Variants in ITGA8 observed in about 807,000 individuals in gnomAD.
The protein encoded by ITGA8 is integrin alpha-8.
A neutral mutation model predicts 142.3 loss-of-function variants in ITGA8; 91 were observed. The ratio of observed to expected loss-of-function variants is 0.64; its 90% CI spans 0.54 to 0.76. The LOEUF is 0.76. Among genes scored for constraint, ITGA8 ranks in the 30% least tolerant of loss-of-function variants. The pLI, the probability that ITGA8 is intolerant of heterozygous loss-of-function variation, is 0.00. For synonymous variants in ITGA8, 505 were observed against 485.2 expected (o/e 1.04, Z -0.54); for missense variants, 1,406 against 1,327.7 (o/e 1.06, Z -0.92).
chr10:15,569,344 G>T (rs74124272), intron 25 of ITGA8, among the ~76,000 whole-genome samples: 18,942 of 152,082 alleles, frequency 0.12, 2,027 homozygotes, highest in East Asian at 0.31. Flanking sequence ...GGTGAAGAAT[G>T]TGTAGACATG....
chr10:15,529,116 G>A (rs1417942602), intron 28 of ITGA8, among the ~76,000 whole-genome samples: 1 of 149,070 alleles, frequency 6.7e-6, no homozygotes, highest in African/African-American at 2.5e-5. Flanking sequence ...TTCTTGAGAC[G>A]AGGTCTCGCC....
At chr10:15,582,581 T>TA (rs1216759389) in intron 23 of ITGA8, among the ~76,000 whole-genome samples, 1 of 152,184 alleles carries the variant, frequency 6.6e-6, no homozygotes. Context: ...TACAACTCGA[T>TA]AATAAGGAGA....
chr10:15,702,511 G>A (rs1263935863), intron 2 of ITGA8, among the ~76,000 whole-genome samples: 6 of 152,018 alleles, frequency 3.9e-5, no homozygotes, highest in African/African-American at 4.8e-5. Flanking sequence ...GGCTAGTCTC[G>A]AACTCCTGAC....
intron 2 of ITGA8, among the ~76,000 whole-genome samples, chr10:15,701,814 G>A (rs539437545): frequency 6.6e-6 from 1 of 152,310 alleles, no homozygotes; most frequent in Non-Finnish European, 1.5e-5. Flanking sequence ...AGCTGTTGCA[G>A]GAGCTATCCA....
chr10:15,676,073 C>T (rs1018166448), intron 6 of ITGA8, among the ~76,000 whole-genome samples: 4 of 151,938 alleles, frequency 2.6e-5, no homozygotes, highest in Non-Finnish European at 4.4e-5. Flanking sequence ...GTGAAATTAG[C>T]GGGCCACTCC....
At chr10:15,632,499 G>T (rs1174700159) in intron 13 of ITGA8, among the ~76,000 whole-genome samples, 2 of 152,090 alleles carry the variant, frequency 1.3e-5, no homozygotes, top group African/African-American at 4.8e-5. Context: ...TTCTCAACCT[G>T]GATCTGTGAA....
chr10:15,653,187 C>T (rs897191057), intron 11 of ITGA8, among the ~76,000 whole-genome samples: 2 of 152,202 alleles, frequency 1.3e-5, no homozygotes, highest in East Asian at 3.8e-4. Context: ...TCCTCCCTCC[C>T]TCCCTCTTAG....
intron 28 of ITGA8, among the ~76,000 whole-genome samples, chr10:15,523,726 A>G (rs371473787): frequency 6.7e-6 from 1 of 149,094 alleles, no homozygotes; most frequent in East Asian, 2.0e-4. Context: ...CCTGGCCAAC[A>G]TGGTGAAACC....
At chr10:15,600,666 AC>A (rs1833089022) in intron 20 of ITGA8, among the ~76,000 whole-genome samples, 1 of 152,216 alleles carries the variant, frequency 6.6e-6, no homozygotes, top group Admixed American at 6.5e-5. Context: ...TGAAGACAGT[AC>A]CATGCTCAGA....
rs192503425 is a variant in ITGA8, at chr10:15,666,510, T to C, written c.847+5093A>G. Among the ~76,000 whole-genome samples the C allele has an allele frequency of 5.9e-3, 901 of 152,320 alleles. 7 individuals carry two copies. The highest frequency in any genetic ancestry group is 7.6e-3 in the Non-Finnish European group (514 of 68,042). On this transcript the variant is annotated intron_variant, in intron 8 of 29. Transcript: ENST00000378076. ...CTTTTCCTAATTGAATACTCTTTAT[T>C]TCCTTCTCCTGCCTGATTGCCGTGG...
Position 15,575,025 on chromosome 10 carries a change from C to T in ITGA8, c.2478+464G>A, listed in dbSNP as rs9333193. Among the ~76,000 whole-genome samples, 375 of 152,160 alleles carry T rather than the reference C, an allele frequency of 2.5e-3. 2 individuals carry two copies. The highest frequency in any genetic ancestry group is 8.5e-3 in the African/African-American group (352 of 41,492). On this transcript the variant is annotated intron_variant, in intron 24 of 29. Coordinates refer to ENST00000378076, the MANE Select transcript of ITGA8 (RefSeq NM_003638.3). Reference sequence around the variant, plus strand: ...GTGATTATATCCAGTATTACTCAACCGAACACCCACTACACCCCACTGCAG... The same window carrying T: ...GTGATTATATCCAGTATTACTCAACTGAACACCCACTACACCCCACTGCAG...
At chr10:15,705,011 G>GTTTGT (rs144928528) in intron 2 of ITGA8, among the ~76,000 whole-genome samples, 2 of 151,700 alleles carry the variant, frequency 1.3e-5, no homozygotes, top group Non-Finnish European at 2.9e-5. Context: ...GTTGTTGTTT[G>GTTTGT]TTTTTTTAAA....
intron 8 of ITGA8, among the ~76,000 whole-genome samples, chr10:15,670,361 G>A (rs1010697429): frequency 6.6e-6 from 1 of 152,144 alleles, no homozygotes; most frequent in African/African-American, 2.4e-5. Context: ...GTTAATATTA[G>A]TGTCATTTAA....
At chr10:15,607,978 G>A (rs1314777037) in intron 16 of ITGA8, 147 bp from the exon 17 acceptor site, 15 of 700,472 alleles carry the variant, frequency 2.1e-5, no homozygotes, top group Non-Finnish European at 3.5e-5. Flanking sequence ...TGGAAAAATT[G>A]TATAACATAC....
Position 15,688,020 on chromosome 10 carries a change from ACT to A in ITGA8, c.360_361del (p.Arg120SerfsTer2), listed in dbSNP as rs1356918890. 1 of 1,611,092 alleles carries A rather than the reference ACT, an allele frequency of 6.2e-7. No homozygotes were observed. The highest frequency in any genetic ancestry group is 1.1e-5 in the South Asian group (1 of 91,018). On this transcript the variant is annotated frameshift_variant, in exon 3 of 30. Coordinates refer to ENST00000378076, the MANE Select transcript of ITGA8 (RefSeq NM_003638.3). LOFTEE classifies it high-confidence loss of function. The stretch of plus-strand genomic sequence containing the variant: ...CTCGATAGGTTCTTTGGTTCCATTA[ACT>A]CTGATCTTTCTGTTGTCTGTCAAAG...
intron 2 of ITGA8, among the ~76,000 whole-genome samples, chr10:15,699,658 C>T (rs1835124751): frequency 6.6e-6 from 1 of 152,128 alleles, no homozygotes; most frequent in African/African-American, 2.4e-5. Context: ...CTCCATGTGC[C>T]TATGTACAAG....
chr10:15,584,917 C>T (rs945597787), intron 23 of ITGA8, among the ~76,000 whole-genome samples: 5 of 151,958 alleles, frequency 3.3e-5, no homozygotes, highest in Admixed American at 6.6e-5. Flanking sequence ...ATTAGCCGGG[C>T]GTGGTGCATG....
At chr10:15,607,622 G>A in intron 17 of ITGA8, 55 bp downstream of exon 17, 1 of 1,526,898 alleles carries the variant, frequency 6.5e-7, no homozygotes. Context: ...GAGAAAAATG[G>A]TTGGAATTTG....
At position 15,694,120 on chromosome 10, in the gene ITGA8, A is replaced by T. The variant is rs143832615; in HGVS notation, c.344-6082T>A. Among the ~76,000 whole-genome samples, 939 of 146,080 alleles carry T rather than the reference A, an allele frequency of 6.4e-3. 6 individuals carry two copies. The highest frequency in any genetic ancestry group is 0.022 in the African/African-American group (896 of 40,172). ...AATATACCTATATATTATATATCAT[A>T]TATCTATATTATATAGATAATATAT... is the stretch of plus-strand genomic sequence containing the variant. On this transcript the variant is annotated intron_variant, in intron 2 of 29. Transcript: ENST00000378076.
Sources: gnomAD v4.1 joint callset for allele counts (sites outside exome capture counted in the v4.1 genomes callset) on GRCh38, gnomAD v4.1.1 for gene constraint, MANE v1.5 for transcripts, NCBI Gene and HGNC (gene_info 2026-07-23, HGNC 2026-07-21) for gene names.